CD80: variants seen among roughly 807,000 people sequenced by gnomAD.
The protein encoded by CD80 is CD80 molecule.
Under a neutral mutation model 27.1 loss-of-function variants are expected in CD80, and 13 were observed. The ratio of observed to expected loss-of-function variants is 0.48; its 90% confidence interval spans 0.31 to 0.76. The LOEUF is 0.76. Among genes scored for constraint, CD80 ranks in the 30% least tolerant of loss-of-function variants. The pLI is 0.04. For missense variants in CD80, 277 were observed against 347.9 expected, an observed-to-expected ratio of 0.80 and a Z score of 1.62; for synonymous variants, 125 against 125.5, an observed-to-expected ratio of 1.00 and a Z score of 0.03.
chr3:119,540,686 T>A (rs997764479), intron 3 of CD80, among the ~76,000 whole-genome samples: 3 of 152,230 alleles, frequency 2.0e-5, no homozygotes, highest in Non-Finnish European at 1.5e-5. Context: ...TGATTCATGT[T>A]CATTTCTGTG....
chr3:119,544,689 A>G lies in CD80; in HGVS notation c.279T>C (p.Phe93=). The G allele has an allele frequency of 6.8e-6, 11 of 1,614,200 alleles. No individual in the cohort carries two copies. The highest frequency in any genetic ancestry group is 9.3e-6 in the Non-Finnish European group (11 of 1,180,022). ...CAATGGAGAGGTTATTAGTGATATC[A>G]AAGATGGTCCGGTTCTTGTACTCGG... ...IWPEYKNRTI[F]DITNNLSIVI... is the part of the protein sequence containing the mutation. The change falls in exon 3 of 7, where the codon TTT becomes TTC. Residue 93 remains phenylalanine, a synonymous_variant. Transcript: ENST00000264246.
chr3:119,537,067 T>C (rs2082143197), intron 4 of CD80, 70 bp downstream of exon 4: 1 of 1,346,368 alleles, frequency 7.4e-7, no homozygotes, highest in East Asian at 2.3e-5. Context: ...ATCCACATCA[T>C]TAAATGACAC....
At chr3:119,529,737 A>T in intron 5 of CD80, 105 bp downstream of exon 5, 1 of 742,530 alleles carries the variant, frequency 1.3e-6, no homozygotes, top group Non-Finnish European at 2.3e-6. Context: ...GCTTGCTGTA[A>T]ACATGAGAAG....
chr3:119,528,705 C>T (rs1409807895), intron 5 of CD80, among the ~76,000 whole-genome samples: 2 of 151,948 alleles, frequency 1.3e-5, no homozygotes, highest in Non-Finnish European at 2.9e-5. Context: ...AGGCGGATCA[C>T]GAGGTCAGGA....
rs765515058 is a variant in CD80, at chr3:119,537,337, C to A, written c.500G>T (p.Gly167Val). ...IRRIICSTSGGFPEPHLSWLE... is the reference protein window; with the variant it reads ...IRRIICSTSGVFPEPHLSWLE... ...CCAGGAGAGGTGAGGCTCTGGAAAA[C>A]CTCCAGAGGTTGAGCAAATTATCCT... Residue 167 changes from glycine (G) to valine (V), a missense_variant, in exon 4 of 7, where the codon GGT (glycine) becomes GTT (valine). Transcript: ENST00000264246. 6.2e-7 allele frequency: 1 copy of A among 1,612,938 alleles called. No homozygotes were observed. Among genetic ancestry groups the A allele is most frequent in the Non-Finnish European group, 8.5e-7 (1 of 1,179,028 alleles).
At chr3:119,537,016 GAC>G in intron 4 of CD80, 119 bp downstream of exon 4, 1 of 908,872 alleles carries the variant, frequency 1.1e-6, no homozygotes, top group Non-Finnish European at 1.7e-6. Flanking sequence ...CTGATGTTCA[GAC>G]AATGACAGAA....
intron 2 of CD80, 55 bp downstream of exon 2, chr3:119,557,574 C>T: frequency 8.0e-7 from 1 of 1,251,050 alleles, no homozygotes; most frequent in Non-Finnish European, 1.2e-6. Context: ...AACCCCATGT[C>T]CTTTCTCTTA....
intron 2 of CD80, among the ~76,000 whole-genome samples, chr3:119,545,268 C>T (rs2082195286): frequency 6.6e-6 from 1 of 152,214 alleles, no homozygotes; most frequent in Non-Finnish European, 1.5e-5. Flanking sequence ...CACTTGAACC[C>T]AGGAGGCGGA....
intron 4 of CD80, among the ~76,000 whole-genome samples, chr3:119,535,342 G>A (rs1230725841): frequency 6.6e-6 from 1 of 152,096 alleles, no homozygotes; most frequent in Non-Finnish European, 1.5e-5. Flanking sequence ...AGTATATATT[G>A]TGCTATATAC....
intron 2 of CD80, among the ~76,000 whole-genome samples, chr3:119,548,444 A>G (rs73854855): frequency 0.041 from 6,254 of 152,258 alleles, 408 homozygotes; most frequent in African/African-American, 0.14. Flanking sequence ...AGTGCCAACC[A>G]TGGGTTAAAC....
intron 2 of CD80, among the ~76,000 whole-genome samples, chr3:119,547,547 G>A (rs1480702298): frequency 6.6e-6 from 1 of 152,176 alleles, no homozygotes; most frequent in South Asian, 2.1e-4. Flanking sequence ...AGTTCTGCAG[G>A]TTCCCATCTG....
At chr3:119,529,973 A>T (rs2082100990) in intron 4 of CD80, 36 bp from the exon 5 acceptor site, 2 of 1,407,300 alleles carry the variant, frequency 1.4e-6, no homozygotes, top group Non-Finnish European at 2.0e-6. Context: ...GCTGTAATGT[A>T]TTTCCTACTG....
chr3:119,546,271 G>A (rs2082202343), intron 2 of CD80, among the ~76,000 whole-genome samples: 1 of 152,168 alleles, frequency 6.6e-6, no homozygotes, highest in South Asian at 2.1e-4. Flanking sequence ...TGGTGGTGGA[G>A]GAGGGCAAGG....
At chr3:119,539,421 TAA>T (rs541394834) in intron 3 of CD80, among the ~76,000 whole-genome samples, 1 of 144,092 alleles carries the variant, frequency 6.9e-6, no homozygotes, top group African/African-American at 2.5e-5. Flanking sequence ...TGGTTGAAAT[TAA>T]AAAAAAAAAA....
intron 5 of CD80, among the ~76,000 whole-genome samples, chr3:119,529,272 T>C (rs1205401324): frequency 1.3e-5 from 2 of 152,162 alleles, no homozygotes; most frequent in Non-Finnish European, 2.9e-5. Context: ...ATTGGTGAGA[T>C]CACCTGTAGC....
intron 6 of CD80, among the ~76,000 whole-genome samples, chr3:119,527,280 CT>C (rs1422559673): frequency 6.6e-6 from 1 of 152,096 alleles, no homozygotes; most frequent in Non-Finnish European, 1.5e-5. Flanking sequence ...CAGAGTAATT[CT>C]TTGTGAAATT....
At chr3:119,540,602 C>G (rs1223619739) in intron 3 of CD80, among the ~76,000 whole-genome samples, 1 of 152,114 alleles carries the variant, frequency 6.6e-6, no homozygotes, top group East Asian at 1.9e-4. Context: ...TTCTGTGTTT[C>G]TTATAACATC....
intron 4 of CD80, 52 bp downstream of exon 4, chr3:119,537,085 T>C (rs2082143285): frequency 2.5e-5 from 37 of 1,477,998 alleles, no homozygotes; most frequent in Non-Finnish European, 3.0e-5. Flanking sequence ...CACGACTATA[T>C]TGTCTTTTTA....
intron 4 of CD80, among the ~76,000 whole-genome samples, chr3:119,536,223 C>T (rs1462141915): frequency 6.6e-6 from 1 of 151,976 alleles, no homozygotes; most frequent in Non-Finnish European, 1.5e-5. Context: ...TGCACTCCAG[C>T]CTGGGCAACA....
Sources: allele counts gnomAD v4.1 joint callset (sites outside exome capture counted in the v4.1 genomes callset), GRCh38; gene constraint gnomAD v4.1.1; transcripts MANE v1.5; gene names NCBI Gene and HGNC (gene_info 2026-07-23, HGNC 2026-07-21).